RGS6: variants seen among roughly 807,000 people sequenced by gnomAD.
RGS6 encodes the protein regulator of G protein signaling 6, also known as regulator of G-protein signaling 6.
Under a neutral mutation model 78.5 loss-of-function variants are expected in RGS6, and 30 were observed. That is an observed-to-expected ratio of 0.38 (90% confidence interval 0.29 to 0.52). RGS6 has a LOEUF of 0.52. RGS6 is among the 20% of genes least tolerant of loss of function. The pLI is 0.85. For synonymous variants in RGS6, 206 were observed against 206.0 expected, an observed-to-expected ratio of 1.00 and a Z score of 0.00; for missense variants, 495 against 609.7, an observed-to-expected ratio of 0.81 and a Z score of 1.98.
At chr14:72,354,092 A>T (rs1161731616) in intron 3 of RGS6, among the ~76,000 whole-genome samples, 1 of 152,202 alleles carries the variant, frequency 6.6e-6, no homozygotes, top group Admixed American at 6.5e-5. Context: ...ACCCAGTTGA[A>T]GTAAGTATCC....
At chr14:72,594,577 T>G in the RGS6 span, 5 of 152,258 alleles carry the variant, frequency 3.3e-5, no homozygotes, top group South Asian at 1.0e-3. Flanking sequence ...GTGGGCAGAG[T>G]GGTAACTGAA....
At chr14:72,270,675 C>A (rs1277759417) in intron 2 of RGS6, among the ~76,000 whole-genome samples, 1 of 152,192 alleles carries the variant, frequency 6.6e-6, no homozygotes, top group East Asian at 1.9e-4. Context: ...GCCTGTCAAC[C>A]AGGACTGAAA....
At chr14:72,285,966 C>G (rs926132293) in intron 2 of RGS6, among the ~76,000 whole-genome samples, 1 of 152,138 alleles carries the variant, frequency 6.6e-6, no homozygotes, top group Non-Finnish European at 1.5e-5. Context: ...CATAGGCTGC[C>G]TTTTCACTCT....
At chr14:72,010,030 CA>C (rs1297455867) in intron 2 of RGS6, among the ~76,000 whole-genome samples, 1 of 152,208 alleles carries the variant, frequency 6.6e-6, no homozygotes, top group African/African-American at 2.4e-5. Flanking sequence ...CAGGTTCTGC[CA>C]TCTTCCCTGT....
At chr14:72,436,045 G>A (rs1469037503) in intron 3 of RGS6, among the ~76,000 whole-genome samples, 4 of 152,150 alleles carry the variant, frequency 2.6e-5, no homozygotes, top group Non-Finnish European at 5.9e-5. Context: ...TCTCAACTGG[G>A]AAGGACCCTC....
intron 2 of RGS6, among the ~76,000 whole-genome samples, chr14:72,279,427 T>C (rs1231443640): frequency 6.6e-6 from 1 of 152,078 alleles, no homozygotes; most frequent in Non-Finnish European, 1.5e-5. Context: ...GTATGTGAGC[T>C]CACACACCCA....
intron 2 of RGS6, among the ~76,000 whole-genome samples, chr14:72,080,706 G>A (rs1243075855): frequency 6.6e-6 from 1 of 152,088 alleles, no homozygotes; most frequent in Non-Finnish European, 1.5e-5. Flanking sequence ...TATGGTATGA[G>A]ATGAGGGTCC....
At chr14:72,297,068 T>C (rs941028564) in intron 2 of RGS6, among the ~76,000 whole-genome samples, 38 of 152,164 alleles carry the variant, frequency 2.5e-4, no homozygotes, top group African/African-American at 8.7e-4. Context: ...GATATCTTTG[T>C]TGAAATTGAT....
chr14:72,402,607 A>G (rs916313021), intron 3 of RGS6, among the ~76,000 whole-genome samples: 2 of 152,058 alleles, frequency 1.3e-5, no homozygotes, highest in Admixed American at 6.6e-5. Context: ...AAAAATAACA[A>G]ATGCTGACAA....
intron 2 of RGS6, among the ~76,000 whole-genome samples, chr14:72,299,930 C>A (rs1043715752): frequency 7.2e-5 from 11 of 151,956 alleles, no homozygotes; most frequent in Non-Finnish European, 1.3e-4. Flanking sequence ...ATTTTATTAG[C>A]TCTTTAAAGT....
chr14:72,613,400 A>C, the RGS6 span, among the ~76,000 whole-genome samples: 2 of 152,240 alleles, frequency 1.3e-5, no homozygotes, highest in East Asian at 1.9e-4. Context: ...GCTGCCTGCC[A>C]GTCCTGGTTC....
At chr14:71,915,653 G>T in the RGS6 span, among the ~76,000 whole-genome samples, 7 of 152,316 alleles carry the variant, frequency 4.6e-5, no homozygotes, top group African/African-American at 1.4e-4. Flanking sequence ...AAGTCAATCA[G>T]CATGTTCATT....
intron 3 of RGS6, among the ~76,000 whole-genome samples, chr14:72,419,265 G>C (rs552510971): frequency 6.6e-5 from 10 of 152,344 alleles, no homozygotes; most frequent in African/African-American, 1.9e-4. Flanking sequence ...ACTTTTTCAA[G>C]TGTCTTACAA....
chr14:72,373,645 G>C (rs1378819783), intron 3 of RGS6, among the ~76,000 whole-genome samples: 1 of 152,140 alleles, frequency 6.6e-6, no homozygotes, highest in African/African-American at 2.4e-5. Flanking sequence ...GGGGGAGAAG[G>C]CTTTAGAGAA....
At position 72,243,458 on chromosome 14, in the gene RGS6, A is replaced by G. The variant is rs565688093; in HGVS notation, c.85-108637A>G. Among the ~76,000 whole-genome samples, 10 of 152,362 alleles carry G rather than the reference A, an allele frequency of 6.6e-5. No individual in the cohort carries two copies. The East Asian group carries it at 1.9e-3, about 29-fold the overall frequency. ...CATGACAAGTGAGAAAATGGGTTAC[A>G]TACCTCAAAACAAAGGCTCATTATA... On this transcript the variant is annotated intron_variant, in intron 2 of 17. Coordinates refer to ENST00000553525, the MANE Select transcript of RGS6 (RefSeq NM_001204424.2).
At chr14:72,219,399 G>A (rs6574051) in intron 2 of RGS6, among the ~76,000 whole-genome samples, 150,228 of 152,306 alleles carry the variant, frequency 0.99, 74,098 homozygotes, top group East Asian at 1. Context: ...ATTATTCTTC[G>A]TCTTCACTGT....
At chr14:71,990,469 A>T in intron 2 of RGS6, 1 of 381,282 alleles carries the variant, frequency 2.6e-6, no homozygotes. Flanking sequence ...GGGACATGGG[A>T]ATATGTTATT....
intron 2 of RGS6, among the ~76,000 whole-genome samples, chr14:72,122,814 GA>G (rs1029640561): frequency 7.4e-5 from 11 of 148,280 alleles, no homozygotes; most frequent in East Asian, 5.9e-4. Flanking sequence ...TTTAAATATG[GA>G]AAAAAAAATC....
At chr14:72,242,795 A>T (rs2053205233) in intron 2 of RGS6, among the ~76,000 whole-genome samples, 1 of 148,736 alleles carries the variant, frequency 6.7e-6, no homozygotes, top group Non-Finnish European at 1.5e-5. Context: ...AAAATTTTTT[A>T]AACATATCTC....
Sources: gnomAD v4.1 joint callset for allele counts (sites outside exome capture counted in the v4.1 genomes callset) on GRCh38, gnomAD v4.1.1 for gene constraint, MANE v1.5 for transcripts, NCBI Gene and HGNC (gene_info 2026-07-23, HGNC 2026-07-21) for gene names.